Variants in CCDC57 observed in about 807,000 individuals in gnomAD.
CCDC57 encodes coiled-coil domain-containing protein 57.
Under a neutral mutation model 118.9 loss-of-function variants are expected in CCDC57, and 118 were observed. The observed-to-expected ratio is 0.99, with a 90% CI of 0.86 to 1.16. The LOEUF (loss-of-function observed/expected upper bound fraction) is 1.16. Ranked by LOEUF, CCDC57 falls within the 50% of genes most tolerant of loss-of-function variation. The probability of loss-of-function intolerance (pLI) is 0.00; values close to 1 mark genes in which losing one functional copy is unlikely to be tolerated. For synonymous variants in CCDC57, 527 were observed against 532.9 expected, an observed-to-expected ratio of 0.99 and a Z score of 0.15; for missense variants, 1,300 against 1,320.7, an observed-to-expected ratio of 0.98 and a Z score of 0.24.
chr17:82,107,391 C>A, intron 19 of CCDC57: 1 of 378,058 alleles, frequency 2.6e-6, no homozygotes. Context: ...TGGGGAGTGG[C>A]TGCCTCGAAC....
intron 19 of CCDC57, among the ~76,000 whole-genome samples, chr17:82,116,985 A>T (rs2036002633): frequency 6.6e-6 from 1 of 152,238 alleles, no homozygotes; most frequent in Non-Finnish European, 1.5e-5. Context: ...TGAAAAGGAC[A>T]AAAATGTCGA....
chr17:82,179,327 C>A (rs546301511), intron 9 of CCDC57, 138 bp from the exon 9 acceptor site: 1 of 937,226 alleles, frequency 1.1e-6, no homozygotes, highest in Non-Finnish European at 1.5e-6. Context: ...GACATGCTCC[C>A]GAGCTCCTGT....
chr17:82,159,078 G>A (rs1306458181), intron 14 of CCDC57, among the ~76,000 whole-genome samples: 1 of 152,172 alleles, frequency 6.6e-6, no homozygotes, highest in Non-Finnish European at 1.5e-5. Context: ...TGTTGCCCAG[G>A]CTGATTTCAA....
Position 82,171,599 on chromosome 17 carries a change from G to C in CCDC57, c.1882+102C>G, listed in dbSNP as rs573713559. ...GCTGGATGACGCCGCCCCAACGTCT[G>C]CAGTAGCCTTGAGCTGTATATTTGC... On this transcript the variant is annotated intron_variant, in intron 13 of 19. Transcript: ENST00000665763. The C allele has an allele frequency of 1.0e-4, 135 of 1,295,374 alleles. 2 individuals are homozygous for C. In the African/African-American group the frequency reaches 1.7e-3, roughly 16 times the overall value. 80.2% of individuals were successfully genotyped at this position (1,295,374 alleles called of 1,614,324 possible).
chr17:82,212,248 T>A lies in CCDC57; in HGVS notation c.-211+537A>T, dbSNP rs1381926012. On this transcript the variant is annotated intron_variant, in intron 1 of 19. Transcript: ENST00000665763. The surrounding 1 kb of genome is among the most constrained non-coding windows in gnomAD (Gnocchi z 4.1). ...TACAGGCGTGCACCACCACGCCCAA[T>A]AATTTTTGTATTTTTAGTAGAGAGG... Among the ~76,000 whole-genome samples the A allele has an allele frequency of 6.6e-6, 1 of 151,944 alleles. No individual in the cohort carries two copies. Among genetic ancestry groups the A allele is most frequent in the Non-Finnish European group, 1.5e-5 (1 of 67,976 alleles).
In CCDC57 at chr17:82,171,785, G is replaced by T. The variant is rs868376146; in HGVS notation, c.1798C>A (p.Leu600Ile). Residue 600 changes from leucine (L) to isoleucine (I), a missense_variant, in exon 13 of 20, where the codon CTA (leucine) becomes ATA (isoleucine). Coordinates refer to ENST00000665763, the Ensembl canonical transcript of CCDC57. ...TTTAAAGGATCCAACACATCTTCTA[G>T]ATGCTTTTCCAGAGTTTTAAACTTA... 1.9e-6 allele frequency: 3 copies of T among 1,613,838 alleles called. No homozygotes were observed. Among genetic ancestry groups the T allele is most frequent in the Non-Finnish European group, 2.5e-6 (3 of 1,179,870 alleles).
chr17:82,125,028 G>T (rs2037229604), intron 19 of CCDC57, among the ~76,000 whole-genome samples: 1 of 152,184 alleles, frequency 6.6e-6, no homozygotes, highest in Non-Finnish European at 1.5e-5. Context: ...AGGTGGGAGG[G>T]TCAGGAAGAC....
chr17:82,209,028 C>T (rs1484774719), intron 1 of CCDC57, among the ~76,000 whole-genome samples: 1 of 152,168 alleles, frequency 6.6e-6, no homozygotes, highest in Non-Finnish European at 1.5e-5. Context: ...CACCCAGCCT[C>T]TCATCTACTC....
intron 11 of CCDC57, among the ~76,000 whole-genome samples, chr17:82,176,370 C>CA (rs1198729479): frequency 5.9e-5 from 9 of 152,176 alleles, no homozygotes; most frequent in Non-Finnish European, 2.9e-5. Flanking sequence ...CTTGCTCTCC[C>CA]AAGATCATAA....
chr17:82,157,296 T>C, intron 15 of CCDC57: 1 of 292,578 alleles, frequency 3.4e-6, no homozygotes, highest in South Asian at 8.1e-5. Context: ...GCTGTGTGGC[T>C]CTGAACGCAG....
At chr17:82,104,588 G>C (rs2034706179) in intron 19 of CCDC57, among the ~76,000 whole-genome samples, 1 of 152,154 alleles carries the variant, frequency 6.6e-6, no homozygotes, top group Non-Finnish European at 1.5e-5. Flanking sequence ...GCCCAGGCTG[G>C]AGTGCAGTGG....
At position 82,170,928 on chromosome 17, in the gene CCDC57, T is replaced by C. The variant is rs553969936; in HGVS notation, c.1882+773A>G. On this transcript the variant is annotated intron_variant, in intron 13 of 19. Transcript: ENST00000665763. ...GCAGCACCACGGCTACCTCGCACGA[T>C]GTGGATGGATGCTTTGGAGAAGAAT... Among the ~76,000 whole-genome samples the C allele has an allele frequency of 3.3e-5, 5 of 152,378 alleles. No individual in the cohort carries two copies. The South Asian group carries it at 8.3e-4, about 25-fold the overall frequency.
intron 9 of CCDC57, 108 bp from the exon 9 acceptor site, chr17:82,179,297 C>T (rs3935816): frequency 0.45 from 564,878 of 1,255,268 alleles, 134,164 homozygotes; most frequent in East Asian, 0.89. Flanking sequence ...CTCCTGCTCT[C>T]GCATGGCCTG....
intron 3 of CCDC57, among the ~76,000 whole-genome samples, chr17:82,199,280 C>T (rs2048692540): frequency 6.6e-6 from 1 of 151,792 alleles, no homozygotes; most frequent in Admixed American, 6.6e-5. Context: ...GAGTCCAAGA[C>T]CAGCCTGGCC....
chr17:82,167,083 A>G (rs1179693711), intron 13 of CCDC57, among the ~76,000 whole-genome samples: 1 of 152,220 alleles, frequency 6.6e-6, no homozygotes, highest in East Asian at 1.9e-4. Flanking sequence ...AAACTGTCCA[A>G]TTTGAACAAG....
intron 15 of CCDC57, chr17:82,156,062 G>A (rs975025706): frequency 6.6e-6 from 1 of 152,180 alleles, no homozygotes; most frequent in Non-Finnish European, 1.5e-5. Context: ...TTGGGGGACT[G>A]AGGCAGGCAG....
In CCDC57 at chr17:82,170,825, T is replaced by C. The variant is rs146483642; in HGVS notation, c.1882+876A>G. Among the ~76,000 whole-genome samples the C allele has an allele frequency of 1.4e-4, 21 of 152,242 alleles. No homozygotes were observed. The South Asian group carries it at 2.7e-3, about 20-fold the overall frequency. On this transcript the variant is annotated intron_variant, in intron 13 of 19. Coordinates refer to ENST00000665763, the Ensembl canonical transcript of CCDC57. Reference sequence around the variant, plus strand: ...CCACGAATCTCATGAATTTGCAAATTAAACCAAAATAGGATGTGCTACGTG... The same window carrying C: ...CCACGAATCTCATGAATTTGCAAATCAAACCAAAATAGGATGTGCTACGTG...
chr17:82,181,987 G>A (rs1156838222), intron 9 of CCDC57, among the ~76,000 whole-genome samples: 1 of 152,058 alleles, frequency 6.6e-6, no homozygotes, highest in African/African-American at 2.4e-5. Context: ...GCGTGGTGGC[G>A]CATGCCTGTA....
intron 16 of CCDC57, among the ~76,000 whole-genome samples, chr17:82,136,949 G>T (rs900801229): frequency 6.6e-6 from 1 of 151,354 alleles, no homozygotes; most frequent in African/African-American, 2.4e-5. Flanking sequence ...AAAAAGCCAT[G>T]AAATGTGTTA....
Sources: allele counts gnomAD v4.1 joint callset (sites outside exome capture counted in the v4.1 genomes callset), GRCh38; gene constraint gnomAD v4.1.1; non-coding constraint Gnocchi (gnomAD v3.1); transcripts MANE v1.5; gene names NCBI Gene and HGNC (gene_info 2026-07-23, HGNC 2026-07-21).